Variants in UBL7 observed in about 807,000 individuals in gnomAD.
The protein encoded by UBL7 is ubiquitin like 7, also known as ubiquitin-like protein 7.
UBL7 carries 21 observed loss-of-function variants against 41.7 expected under a neutral mutation model. The ratio of observed to expected loss-of-function variants is 0.50; its 90% confidence interval spans 0.36 to 0.73. The LOEUF (loss-of-function observed/expected upper bound fraction) is 0.73, where lower values mean the gene tolerates loss of function less well. Among genes scored for constraint, UBL7 ranks in the 30% least tolerant of loss-of-function variants. The probability of loss-of-function intolerance (pLI) is 0.00; values close to 1 mark genes in which losing one functional copy is unlikely to be tolerated. For missense variants in UBL7, 403 were observed against 478.4 expected, an observed-to-expected ratio of 0.84 and a Z score of 1.47; for synonymous variants, 157 against 186.9, an observed-to-expected ratio of 0.84 and a Z score of 1.31.
intron 1 of UBL7, among the ~76,000 whole-genome samples, chr15:74,460,006 C>T (rs907261616): frequency 1.4e-5 from 2 of 147,838 alleles, no homozygotes; most frequent in African/African-American, 5.0e-5. Context: ...CTTTGGGAGG[C>T]CGCGGAGGAC....
chr15:74,446,616 C>A lies in UBL7; in HGVS notation c.1006-389G>T. ...GTTTGTTAGCCTTTGGACTTTGCTTCGGTTTTTTGTTTGGTTTGGTTTGCC... is the reference window on the plus strand; with the variant it reads ...GTTTGTTAGCCTTTGGACTTTGCTTAGGTTTTTTGTTTGGTTTGGTTTGCC... On this transcript the variant is annotated intron_variant, in intron 10 of 10. Coordinates refer to ENST00000395081, the MANE Select transcript of UBL7 (RefSeq NM_032907.5). The surrounding 1 kb of genome is among the most constrained non-coding windows in gnomAD (Gnocchi z 4.1). 6.6e-6 allele frequency among the ~76,000 whole-genome samples: 1 copy of A among 152,068 alleles called. No homozygotes were observed. Among genetic ancestry groups the A allele is most frequent in the Non-Finnish European group, 1.5e-5 (1 of 68,006 alleles).
Position 74,456,985 on chromosome 15 carries a change from G to GT in UBL7, c.185-315dup, listed in dbSNP as rs1191835030. 7.2e-5 allele frequency among the ~76,000 whole-genome samples: 11 copies of GT among 152,064 alleles called. No individual in the cohort carries two copies. In the South Asian group the frequency reaches 2.1e-3, roughly 29 times the overall value. On this transcript the variant is annotated intron_variant, in intron 2 of 10. Transcript: ENST00000395081. Reference sequence around the variant, plus strand: ...CCACCACACCCAGCTAATTTTTGTAGTTTTTTGTAGAGACGGGGTTTTGCC... The same window carrying GT: ...CCACCACACCCAGCTAATTTTTGTAGTTTTTTTGTAGAGACGGGGTTTTGCC...
chr15:74,452,509 G>A, intron 3 of UBL7, 131 bp from the exon 4 acceptor site: 3 of 845,410 alleles, frequency 3.5e-6, no homozygotes, highest in Non-Finnish European at 5.5e-6. Context: ...CACCCCTTAA[G>A]AATGTGAGTG....
At chr15:74,448,798 A>C (rs2061211084) in intron 9 of UBL7, among the ~76,000 whole-genome samples, 198 bp from the exon 10 acceptor site, 1 of 152,190 alleles carries the variant, frequency 6.6e-6, no homozygotes, top group East Asian at 1.9e-4. Flanking sequence ...TCTCTTCTGC[A>C]CTGAGCCCCT....
Position 74,448,964 on chromosome 15 carries a change from T to C in UBL7, c.882+222A>G, listed in dbSNP as rs531415643. Among the ~76,000 whole-genome samples, 19 of 152,134 alleles carry C rather than the reference T, an allele frequency of 1.2e-4. No homozygotes were observed. In the South Asian group the frequency reaches 1.9e-3, roughly 15 times the overall value. On this transcript the variant is annotated intron_variant, in intron 9 of 10. Coordinates refer to ENST00000395081, the MANE Select transcript of UBL7 (RefSeq NM_032907.5). ...GTGCAGGAAGAGTCTTCTGAACTAATAGGGGGGACTACACGGGACCATGTT... is the reference window on the plus strand; with the variant it reads ...GTGCAGGAAGAGTCTTCTGAACTAACAGGGGGGACTACACGGGACCATGTT...
At chr15:74,453,796 C>G (rs1025554424) in intron 3 of UBL7, among the ~76,000 whole-genome samples, 3 of 152,192 alleles carry the variant, frequency 2.0e-5, no homozygotes, top group African/African-American at 7.2e-5. Flanking sequence ...AAATGTGATT[C>G]CTTTGTGAAG....
chr15:74,452,379 C>G lies in UBL7; in HGVS notation c.305-1G>C. On this transcript the variant is annotated splice_acceptor_variant, in intron 3 of 10. Coordinates refer to ENST00000395081, the MANE Select transcript of UBL7 (RefSeq NM_032907.5). LOFTEE classifies it high-confidence loss of function. ...ATGGCAGCCACTTTGTCCACAGGTTCTGGGGGACAAGACATTCAGAGTTAC... is the reference window on the plus strand; with the variant it reads ...ATGGCAGCCACTTTGTCCACAGGTTGTGGGGGACAAGACATTCAGAGTTAC... 6.4e-7 allele frequency: 1 copy of G among 1,556,562 alleles called. No homozygotes were observed. The highest frequency in any genetic ancestry group is 8.7e-7 in the Non-Finnish European group (1 of 1,149,158).
intron 2 of UBL7, among the ~76,000 whole-genome samples, 155 bp downstream of exon 2, chr15:74,458,529 A>G (rs2061314627): frequency 6.6e-6 from 1 of 152,240 alleles, no homozygotes; most frequent in Non-Finnish European, 1.5e-5. Context: ...TCATTATATG[A>G]TTTGTGTTTC....
intron 2 of UBL7, among the ~76,000 whole-genome samples, chr15:74,457,262 G>A (rs1436074165): frequency 5.9e-5 from 9 of 152,190 alleles, no homozygotes; most frequent in African/African-American, 2.2e-4. Flanking sequence ...CGAAAATTAG[G>A]GCCGGGCACG....
chr15:74,451,652 G>A, intron 4 of UBL7, 132 bp from the exon 5 acceptor site: 2 of 577,620 alleles, frequency 3.5e-6, no homozygotes, highest in Non-Finnish European at 6.1e-6. Context: ...AATAGCCCCA[G>A]AAACAGATGA....
At chr15:74,448,682 A>C in intron 9 of UBL7, 82 bp from the exon 10 acceptor site, 1 of 1,575,458 alleles carries the variant, frequency 6.3e-7, no homozygotes, top group Admixed American at 1.7e-5. Context: ...ATATCACCTC[A>C]CAGCACTCCT....
intron 1 of UBL7, 165 bp downstream of exon 1, chr15:74,460,869 AAGG>A: frequency 3.4e-6 from 4 of 1,191,680 alleles, no homozygotes; most frequent in Non-Finnish European, 4.2e-6. Flanking sequence ...TTTATGCCAG[AAGG>A]AGGTCGTTTT....
chr15:74,449,576 AC>A (rs773467925), intron 8 of UBL7, 49 bp downstream of exon 8: 1 of 1,613,556 alleles, frequency 6.2e-7, no homozygotes, highest in Non-Finnish European at 8.5e-7. Flanking sequence ...CATTCCCAGC[AC>A]CATCTCCCCC....
At chr15:74,448,623 T>C (rs772524313) in intron 9 of UBL7, 23 bp from the exon 10 acceptor site, 6 of 1,613,106 alleles carry the variant, frequency 3.7e-6, no homozygotes, top group Non-Finnish European at 5.1e-6. Context: ...TAGTGGTCAG[T>C]GCCACCCTCA....
chr15:74,448,311 G>C (rs567315751), intron 10 of UBL7, among the ~76,000 whole-genome samples, 167 bp downstream of exon 10: 1 of 152,354 alleles, frequency 6.6e-6, no homozygotes, highest in South Asian at 2.1e-4. Context: ...TATGGTCTGA[G>C]AGTGTGCCCT....
rs1180494938 is a variant in UBL7 at position 74,446,714 on chromosome 15, C to G, written c.1006-487G>C. On this transcript the variant is annotated intron_variant, in intron 10 of 10. Coordinates refer to ENST00000395081, the MANE Select transcript of UBL7 (RefSeq NM_032907.5). The surrounding 1 kb of genome is among the most constrained non-coding windows in gnomAD (Gnocchi z 4.1). ...TATAGTAGGTATATCTATTTGTGGACTGTAAGAGATGTTTTAAATTTTTCG... is the reference window on the plus strand; with the variant it reads ...TATAGTAGGTATATCTATTTGTGGAGTGTAAGAGATGTTTTAAATTTTTCG... 1.3e-5 allele frequency among the ~76,000 whole-genome samples: 2 copies of G among 152,072 alleles called. No individual in the cohort carries two copies. The highest frequency in any genetic ancestry group is 1.5e-5 in the Non-Finnish European group (1 of 68,026).
At chr15:74,457,557 A>G (rs2061306424) in intron 2 of UBL7, among the ~76,000 whole-genome samples, 1 of 87,404 alleles carries the variant, frequency 1.1e-5, no homozygotes, top group African/African-American at 7.6e-5. Flanking sequence ...AAAAAGAAAT[A>G]TATATATATA....
At chr15:74,450,693 G>C in intron 6 of UBL7, 109 bp downstream of exon 6, 1 of 1,203,944 alleles carries the variant, frequency 8.3e-7, no homozygotes, top group Non-Finnish European at 1.2e-6. Context: ...GGTAGACTTG[G>C]TGACAGACTA....
At chr15:74,454,759 G>C (rs1437274856) in intron 3 of UBL7, among the ~76,000 whole-genome samples, 2 of 152,124 alleles carry the variant, frequency 1.3e-5, no homozygotes, top group Admixed American at 6.5e-5. Flanking sequence ...ATTTAAAGAA[G>C]TGAGGTTTTA....
Sources: allele counts gnomAD v4.1 joint callset (sites outside exome capture counted in the v4.1 genomes callset), GRCh38; gene constraint gnomAD v4.1.1; non-coding constraint Gnocchi (gnomAD v3.1); transcripts MANE v1.5; gene names NCBI Gene and HGNC (gene_info 2026-07-23, HGNC 2026-07-21).